ZNF618: variants seen among roughly 807,000 people sequenced by gnomAD.
ZNF618 encodes the protein zinc finger protein 618.
Under a neutral mutation model 103.0 loss-of-function variants are expected in ZNF618, and 34 were observed. The observed-to-expected ratio is 0.33, with a 90% CI of 0.25 to 0.44. The LOEUF (loss-of-function observed/expected upper bound fraction) is 0.44. Among genes scored for constraint, ZNF618 ranks in the 20% least tolerant of loss-of-function variants. ZNF618 has a pLI of 1.00. For synonymous variants in ZNF618, 551 were observed against 542.2 expected, an observed-to-expected ratio of 1.02 and a Z score of -0.23; for missense variants, 1,059 against 1,295.4, an observed-to-expected ratio of 0.82 and a Z score of 2.80.
intron 1 of ZNF618, among the ~76,000 whole-genome samples, chr9:113,889,039 A>C (rs1437747645): frequency 1.3e-5 from 2 of 151,936 alleles, no homozygotes; most frequent in East Asian, 3.9e-4. Flanking sequence ...ACATACACTC[A>C]CCTCACTGTC....
chr9:113,901,721 T>G (rs924007987), intron 1 of ZNF618, among the ~76,000 whole-genome samples: 4 of 152,154 alleles, frequency 2.6e-5, no homozygotes, highest in African/African-American at 9.7e-5. Flanking sequence ...GCTTACAGCT[T>G]CTTAAGTGGC....
chr9:113,903,123 C>T (rs1830695921), intron 1 of ZNF618, among the ~76,000 whole-genome samples: 1 of 152,244 alleles, frequency 6.6e-6, no homozygotes, highest in African/African-American at 2.4e-5. Context: ...AAGAATTTGA[C>T]TGCCTGTTGG....
At chr9:113,966,027 C>T (rs537641483) in intron 1 of ZNF618, among the ~76,000 whole-genome samples, 6 of 152,252 alleles carry the variant, frequency 3.9e-5, no homozygotes, top group East Asian at 3.9e-4. Flanking sequence ...CTCTGCGACT[C>T]GTTCATCTTA....
intron 9 of ZNF618, 74 bp from the exon 10 acceptor site, chr9:114,016,621 G>A: frequency 8.5e-7 from 1 of 1,177,866 alleles, no homozygotes; most frequent in Non-Finnish European, 1.2e-6. Flanking sequence ...GTTTTTTGGG[G>A]GGTGGGAGCA....
intron 1 of ZNF618, among the ~76,000 whole-genome samples, chr9:113,927,864 T>C (rs1439778559): frequency 6.6e-6 from 1 of 152,214 alleles, no homozygotes; most frequent in African/African-American, 2.4e-5. Flanking sequence ...CTGGTGAAGC[T>C]CATGGAAGTT....
At chr9:113,988,714 A>G (rs1839730477) in intron 3 of ZNF618, 134 bp downstream of exon 3, 2 of 1,327,316 alleles carry the variant, frequency 1.5e-6, no homozygotes, top group Non-Finnish European at 2.0e-6. Flanking sequence ...CTCTGCATTC[A>G]GGGAGAGATC....
chr9:113,884,183 A>G (rs1828824712), intron 1 of ZNF618, among the ~76,000 whole-genome samples: 1 of 152,152 alleles, frequency 6.6e-6, no homozygotes, highest in African/African-American at 2.4e-5. Context: ...GGGTCTCTTC[A>G]GTACAGCCAC....
Position 114,039,337 on chromosome 9 carries a change from TTTG to T in ZNF618, c.1246+2963_1246+2965del, listed in dbSNP as rs1440923682. 2.2e-4 allele frequency among the ~76,000 whole-genome samples: 29 copies of T among 129,930 alleles called. No individual in the cohort carries two copies. The East Asian group carries it at 2.4e-3, about 11-fold the overall frequency. 85.2% of individuals were successfully genotyped at this position (129,930 alleles called of 152,430 possible). A position where few individuals can be genotyped will look rare whatever the true frequency, so the allele number is the denominator to read the frequency against. ...ACCTGGTTTCTTTCTTTCTTTCTTG[TTTG>T]TTTTTTTTTTTTTTTTTTTCCTTTG... On this transcript the variant is annotated intron_variant, in intron 13 of 14. Coordinates refer to ENST00000374126, the MANE Select transcript of ZNF618 (RefSeq NM_001318042.2).
At chr9:113,899,894 C>T (rs1830366857) in intron 1 of ZNF618, among the ~76,000 whole-genome samples, 2 of 152,286 alleles carry the variant, frequency 1.3e-5, no homozygotes, top group South Asian at 4.1e-4. Flanking sequence ...ATATCAGTTG[C>T]TTCCACCTTT....
At chr9:113,957,990 G>A (rs1836475389) in intron 1 of ZNF618, among the ~76,000 whole-genome samples, 1 of 152,044 alleles carries the variant, frequency 6.6e-6, no homozygotes, top group Admixed American at 6.6e-5. Flanking sequence ...CATAAACCTG[G>A]AGAGAGAATT....
intron 1 of ZNF618, among the ~76,000 whole-genome samples, chr9:113,899,071 C>A (rs564511236): frequency 7.2e-5 from 11 of 151,912 alleles, no homozygotes; most frequent in South Asian, 4.2e-4. Flanking sequence ...TAACATCTAG[C>A]GGAAATTCCT....
At chr9:113,924,418 CTTCTT>C (rs1832895787) in intron 1 of ZNF618, among the ~76,000 whole-genome samples, 2 of 138,292 alleles carry the variant, frequency 1.4e-5, no homozygotes, top group Non-Finnish European at 1.6e-5. Context: ...TCTTCTTCTT[CTTCTT>C]CTTTTTTTTT....
At position 113,969,174 on chromosome 9, in the gene ZNF618, C is replaced by A; in HGVS notation, c.77+14C>A. 1 of 1,614,008 alleles carries A rather than the reference C, an allele frequency of 6.2e-7. No individual in the cohort carries two copies. On this transcript the variant is annotated intron_variant, in intron 2 of 14. Coordinates refer to ENST00000374126, the MANE Select transcript of ZNF618 (RefSeq NM_001318042.2). ...CACTGCGAGCAGGTACACTCCCTCT[C>A]CCGCCCCCAGCTTGTCCACCCATCG...
At chr9:113,924,674 C>T (rs1249413891) in intron 1 of ZNF618, among the ~76,000 whole-genome samples, 2 of 151,714 alleles carry the variant, frequency 1.3e-5, no homozygotes, top group Non-Finnish European at 2.9e-5. Flanking sequence ...TATAAAATTT[C>T]CTCTAATCAC....
intron 9 of ZNF618, among the ~76,000 whole-genome samples, chr9:114,013,742 T>G (rs192179412): frequency 1.4e-3 from 220 of 152,334 alleles, no homozygotes; most frequent in Non-Finnish European, 2.6e-3. Context: ...GGGTTTTATT[T>G]TTTTAAAAGG....
intron 1 of ZNF618, among the ~76,000 whole-genome samples, chr9:113,903,435 C>G (rs79188980): frequency 0.01 from 1,585 of 151,180 alleles, 9 homozygotes; most frequent in Non-Finnish European, 0.018. Flanking sequence ...ATAGGGTGTT[C>G]GCAAGGTCAT....
intron 1 of ZNF618, among the ~76,000 whole-genome samples, chr9:113,965,628 T>TG (rs945617059): frequency 2.6e-5 from 4 of 151,778 alleles, no homozygotes; most frequent in Non-Finnish European, 5.9e-5. Flanking sequence ...CCACATGGAG[T>TG]GGGGGAGATG....
At chr9:113,900,252 G>A (rs778294089) in intron 1 of ZNF618, among the ~76,000 whole-genome samples, 31 of 152,072 alleles carry the variant, frequency 2.0e-4, no homozygotes, top group Middle Eastern at 6.8e-3. Context: ...GGTAGAGATG[G>A]GGTTTTAACA....
chr9:113,958,632 G>A (rs1001527333), intron 1 of ZNF618, among the ~76,000 whole-genome samples: 14 of 152,212 alleles, frequency 9.2e-5, no homozygotes, highest in Admixed American at 7.8e-4. Flanking sequence ...GATGCATCCA[G>A]CGTCCCATTC....
Sources: allele counts gnomAD v4.1 joint callset (sites outside exome capture counted in the v4.1 genomes callset), GRCh38; gene constraint gnomAD v4.1.1; transcripts MANE v1.5; gene names NCBI Gene and HGNC (gene_info 2026-07-23, HGNC 2026-07-21).